LRRTM4: variants seen among roughly 807,000 people sequenced by gnomAD.
LRRTM4 encodes leucine-rich repeat transmembrane neuronal protein 4.
In LRRTM4, 25 loss-of-function variants were observed where a neutral mutation model predicts 47.6. That is an observed-to-expected ratio of 0.53 (90% confidence interval 0.38 to 0.73). The LOEUF (loss-of-function observed/expected upper bound fraction) is 0.73. Among genes scored for constraint, LRRTM4 ranks in the 30% least tolerant of loss-of-function variants. The pLI is 0.00. For missense variants in LRRTM4, 638 were observed against 713.4 expected, an observed-to-expected ratio of 0.89 and a Z score of 1.20; for synonymous variants, 311 against 269.5, an observed-to-expected ratio of 1.15 and a Z score of -1.51.
intron 3 of LRRTM4, among the ~76,000 whole-genome samples, chr2:77,454,301 A>C (rs1029548476): frequency 3.3e-5 from 5 of 152,224 alleles, no homozygotes; most frequent in Admixed American, 6.5e-5. Flanking sequence ...TCTGCACTCT[A>C]TCCAGGGAAT....
chr2:76,836,498 T>G (rs1167418944), intron 3 of LRRTM4, among the ~76,000 whole-genome samples: 1 of 151,986 alleles, frequency 6.6e-6, no homozygotes, highest in Non-Finnish European at 1.5e-5. Flanking sequence ...TATATCTCTC[T>G]TCTCTTGTCC....
chr2:76,776,711 C>T (rs1329411246), intron 3 of LRRTM4, among the ~76,000 whole-genome samples: 1 of 144,994 alleles, frequency 6.9e-6, no homozygotes, highest in Non-Finnish European at 1.5e-5. Flanking sequence ...TGTAGGTTGC[C>T]TGTTCACTCT....
intron 3 of LRRTM4, among the ~76,000 whole-genome samples, chr2:77,221,416 G>A (rs976020044): frequency 4.6e-5 from 7 of 152,146 alleles, no homozygotes; most frequent in African/African-American, 1.7e-4. Flanking sequence ...CTGGCAAATT[G>A]GATAAAGAGT....
intron 3 of LRRTM4, among the ~76,000 whole-genome samples, chr2:77,068,813 T>C (rs2103820665): frequency 6.6e-6 from 1 of 152,342 alleles, no homozygotes; most frequent in Non-Finnish European, 1.5e-5. Context: ...CACTGTAACA[T>C]GTTCATGATG....
chr2:77,360,208 A>C (rs1284360859), intron 3 of LRRTM4, among the ~76,000 whole-genome samples: 4 of 152,170 alleles, frequency 2.6e-5, no homozygotes, highest in Admixed American at 1.3e-4. Context: ...CTGTAATCCC[A>C]GTACTACGGC....
intron 3 of LRRTM4, among the ~76,000 whole-genome samples, chr2:77,293,580 A>T (rs1426498642): frequency 6.6e-6 from 1 of 152,208 alleles, no homozygotes; most frequent in Non-Finnish European, 1.5e-5. Flanking sequence ...TTTTTGACAG[A>T]CAGACAAGAA....
intron 3 of LRRTM4, among the ~76,000 whole-genome samples, chr2:77,188,040 C>A (rs192142739): frequency 6.6e-6 from 1 of 152,074 alleles, no homozygotes; most frequent in Non-Finnish European, 1.5e-5. Context: ...TTACATTTAG[C>A]TTTTAGTTCT....
At chr2:76,809,684 C>A (rs978410704) in intron 3 of LRRTM4, among the ~76,000 whole-genome samples, 11 of 152,148 alleles carry the variant, frequency 7.2e-5, no homozygotes, top group Non-Finnish European at 1.0e-4. Flanking sequence ...CATACCATCA[C>A]CCTGAAAATA....
intron 3 of LRRTM4, among the ~76,000 whole-genome samples, chr2:77,452,430 T>C (rs1307052189): frequency 1.3e-5 from 2 of 152,160 alleles, no homozygotes; most frequent in Non-Finnish European, 2.9e-5. Context: ...CTCGCTTTAA[T>C]AACATTTCTA....
chr2:77,253,360 C>G (rs969915073), intron 3 of LRRTM4, among the ~76,000 whole-genome samples: 16 of 152,140 alleles, frequency 1.1e-4, no homozygotes, highest in African/African-American at 3.6e-4. Context: ...AGAGGGTTCT[C>G]TCTTCTACTC....
intron 3 of LRRTM4, among the ~76,000 whole-genome samples, chr2:76,811,291 A>T (rs920677247): frequency 2.0e-5 from 3 of 152,206 alleles, no homozygotes; most frequent in Non-Finnish European, 4.4e-5. Context: ...AATAAACATT[A>T]GCACCCTGTA....
intron 3 of LRRTM4, among the ~76,000 whole-genome samples, chr2:77,166,926 CA>C (rs1235233315): frequency 1.3e-5 from 2 of 152,116 alleles, no homozygotes; most frequent in East Asian, 3.9e-4. Flanking sequence ...ACACCAAAAG[CA>C]ATGGCAACGA....
intron 3 of LRRTM4, among the ~76,000 whole-genome samples, chr2:77,194,057 CT>C (rs1673748661): frequency 6.6e-6 from 1 of 152,114 alleles, no homozygotes; most frequent in African/African-American, 2.4e-5. Context: ...TCATCTTTTG[CT>C]TTGATGGTTA....
chr2:77,013,153 C>T (rs1014825290), intron 3 of LRRTM4, among the ~76,000 whole-genome samples: 6 of 151,140 alleles, frequency 4.0e-5, no homozygotes, highest in African/African-American at 1.5e-4. Context: ...GATCTTCAAT[C>T]ACCCAGCTTT....
At chr2:77,250,704 C>T (rs1299933912) in intron 3 of LRRTM4, among the ~76,000 whole-genome samples, 1 of 152,160 alleles carries the variant, frequency 6.6e-6, no homozygotes, top group African/African-American at 2.4e-5. Flanking sequence ...GGTTTGATTT[C>T]TCTTTCTCTC....
chr2:76,925,744 C>T (rs991529875), intron 3 of LRRTM4, among the ~76,000 whole-genome samples: 1 of 152,070 alleles, frequency 6.6e-6, no homozygotes, highest in Non-Finnish European at 1.5e-5. Flanking sequence ...ATCCCAGTTA[C>T]TCCATAGGGC....
At chr2:76,910,777 T>C (rs1382895631) in intron 3 of LRRTM4, among the ~76,000 whole-genome samples, 1 of 152,214 alleles carries the variant, frequency 6.6e-6, no homozygotes, top group Non-Finnish European at 1.5e-5. Context: ...TGATCTCATA[T>C]CACTTTCTCT....
At chr2:77,272,077 T>C (rs911835210) in intron 3 of LRRTM4, among the ~76,000 whole-genome samples, 1 of 152,178 alleles carries the variant, frequency 6.6e-6, no homozygotes, top group Non-Finnish European at 1.5e-5. Flanking sequence ...CAACTTCTTT[T>C]TGAAACCTTA....
At chr2:77,071,176 G>C (rs535545867) in intron 3 of LRRTM4, among the ~76,000 whole-genome samples, 1 of 151,978 alleles carries the variant, frequency 6.6e-6, no homozygotes, top group Non-Finnish European at 1.5e-5. Context: ...CAAAATCTTC[G>C]CAAAGGACGT....
Sources: gnomAD v4.1 joint callset for allele counts (sites outside exome capture counted in the v4.1 genomes callset) on GRCh38, gnomAD v4.1.1 for gene constraint, MANE v1.5 for transcripts, NCBI Gene and HGNC (gene_info 2026-07-23, HGNC 2026-07-21) for gene names.